The following PIEZO2 variants were observed in gnomAD, a reference collection of about 807,000 sequenced individuals.
PIEZO2 encodes the protein piezo type mechanosensitive ion channel component 2, also known as piezo-type mechanosensitive ion channel component 2.
Under a neutral mutation model 337.3 loss-of-function variants are expected in PIEZO2, and 172 were observed. The ratio of observed to expected loss-of-function variants is 0.51; its 90% CI spans 0.45 to 0.58. PIEZO2 has a LOEUF of 0.58. Ranked by LOEUF, PIEZO2 falls within the 20% of genes least tolerant of loss-of-function variation. PIEZO2 has a pLI of 0.00. For synonymous variants in PIEZO2, 1,251 were observed against 1,228.5 expected (o/e 1.02, Z -0.38); for missense variants, 3,028 against 3,391.3 (o/e 0.89, Z 2.66).
At position 11,099,536 on chromosome 18, in the gene PIEZO2, G is replaced by A. The variant is rs1458918597; in HGVS notation, c.65-33314C>T. 6.6e-6 allele frequency among the ~76,000 whole-genome samples: 1 copy of A among 152,030 alleles called. No homozygotes were observed. The highest frequency in any genetic ancestry group is 1.5e-5 in the Non-Finnish European group (1 of 68,008). ...GGTTGGTATGCAATGGCATGATCTC[G>A]GCTCACTGCAACCTCTGCCTCCAGG... On this transcript the variant is annotated intron_variant, in intron 1 of 55. Coordinates refer to ENST00000674853, the MANE Select transcript of PIEZO2 (RefSeq NM_001378183.1). This position sits in a 1 kb window ranked among gnomAD's most constrained non-coding sequence, Gnocchi z 5.4.
At chr18:10,866,494 C>T (rs1047965231) in intron 5 of PIEZO2, among the ~76,000 whole-genome samples, 1 of 152,130 alleles carries the variant, frequency 6.6e-6, no homozygotes, top group Non-Finnish European at 1.5e-5. Flanking sequence ...ACTGTGTTAG[C>T]CAGGATGGTC....
intron 49 of PIEZO2, among the ~76,000 whole-genome samples, chr18:10,684,382 G>A (rs2034444516): frequency 6.6e-6 from 1 of 150,850 alleles, no homozygotes; most frequent in South Asian, 2.1e-4. Context: ...AGCCAGGGTG[G>A]TCTCAATCTC....
chr18:10,915,838 C>T (rs1469195912), intron 3 of PIEZO2, among the ~76,000 whole-genome samples: 2 of 152,208 alleles, frequency 1.3e-5, no homozygotes, highest in East Asian at 1.9e-4. Flanking sequence ...CGCAGACCCT[C>T]GCAGTGACTA....
At chr18:10,800,690 C>T (rs1183774168) in intron 10 of PIEZO2, among the ~76,000 whole-genome samples, 1 of 152,226 alleles carries the variant, frequency 6.6e-6, no homozygotes, top group Non-Finnish European at 1.5e-5. Flanking sequence ...GGAAAATGTG[C>T]ATCTGATCTT....
intron 29 of PIEZO2, among the ~76,000 whole-genome samples, chr18:10,749,220 G>A (rs568342305): frequency 6.6e-6 from 1 of 152,274 alleles, no homozygotes; most frequent in East Asian, 1.9e-4. Context: ...AGCACTTTGA[G>A]AGACTGAGGC....
At chr18:10,924,765 A>AT (rs1598697745) in intron 3 of PIEZO2, among the ~76,000 whole-genome samples, 1 of 151,930 alleles carries the variant, frequency 6.6e-6, no homozygotes, top group South Asian at 2.1e-4. Flanking sequence ...TAGGCGGAGG[A>AT]TTTTTTCTTT....
rs2039418031 is a variant in PIEZO2 at position 11,101,512 on chromosome 18, T to C, written c.65-35290A>G. 6.6e-6 allele frequency among the ~76,000 whole-genome samples: 1 copy of C among 152,186 alleles called. No homozygotes were observed. The highest frequency in any genetic ancestry group is 1.5e-5 in the Non-Finnish European group (1 of 68,034). ...ACACAACATTATTTTTAAGCACCAG[T>C]GAGAAAAAAAGCTGCCCAAAATTTA... On this transcript the variant is annotated intron_variant, in intron 1 of 55. Coordinates refer to ENST00000674853, the MANE Select transcript of PIEZO2 (RefSeq NM_001378183.1). This position sits in a 1 kb window ranked among gnomAD's most constrained non-coding sequence, Gnocchi z 4.4.
chr18:11,090,843 G>GA (rs1308414327), intron 1 of PIEZO2, among the ~76,000 whole-genome samples: 1 of 151,450 alleles, frequency 6.6e-6, no homozygotes, highest in East Asian at 2.0e-4. Flanking sequence ...AACCCGGGGG[G>GA]GCAAAGCTTG....
chr18:10,946,980 C>A (rs181515542), intron 3 of PIEZO2, among the ~76,000 whole-genome samples: 1 of 150,736 alleles, frequency 6.6e-6, no homozygotes, highest in Non-Finnish European at 1.5e-5. Flanking sequence ...TATCTTAAAA[C>A]AAATAAAAAA....
Position 11,097,774 on chromosome 18 carries a change from T to C in PIEZO2, c.65-31552A>G, listed in dbSNP as rs552419287. Among the ~76,000 whole-genome samples the C allele has an allele frequency of 3.3e-5, 5 of 152,362 alleles. 1 individual carries two copies. The highest frequency in any genetic ancestry group is 3.3e-4 in the Admixed American group (5 of 15,304). The stretch of plus-strand genomic sequence containing the variant: ...TATGGAAATACTGTTGTATGGTAGA[T>C]ATATATTCCTAAATCAGAAAAAGTC... On this transcript the variant is annotated intron_variant, in intron 1 of 55. Transcript: ENST00000674853. The surrounding 1 kb of genome is among the most constrained non-coding windows in gnomAD (Gnocchi z 5.0).
chr18:11,024,407 G>A (rs112189256), intron 2 of PIEZO2, among the ~76,000 whole-genome samples: 8,466 of 151,154 alleles, frequency 0.056, 710 homozygotes, highest in African/African-American at 0.18. Context: ...TTAGCCGGGC[G>A]TAGTGGCGGG....
chr18:10,762,843 T>C (rs2038194409), intron 22 of PIEZO2, 79 bp downstream of exon 22: 1 of 1,460,064 alleles, frequency 6.8e-7, no homozygotes, highest in South Asian at 1.4e-5. Flanking sequence ...CAAATGTGCT[T>C]GGGGATGGGG....
intron 7 of PIEZO2, among the ~76,000 whole-genome samples, chr18:10,826,331 AATG>A (rs1305613781): frequency 2.0e-5 from 3 of 152,334 alleles, no homozygotes; most frequent in Admixed American, 6.5e-5. Context: ...ATGAGTTCCT[AATG>A]ATGACTCCAA....
intron 36 of PIEZO2, among the ~76,000 whole-genome samples, chr18:10,722,268 T>G (rs1291208797): frequency 1.3e-5 from 2 of 151,234 alleles, no homozygotes; most frequent in African/African-American, 4.9e-5. Context: ...TCTCACTCTG[T>G]CACCCAGGCT....
intron 2 of PIEZO2, among the ~76,000 whole-genome samples, chr18:10,998,025 C>T (rs1211162693): frequency 3.9e-5 from 6 of 152,110 alleles, no homozygotes; most frequent in Non-Finnish European, 5.9e-5. Context: ...AAAAATGTCA[C>T]ATTATGTGTA....
chr18:11,072,686 G>A (rs1298904313), intron 1 of PIEZO2, among the ~76,000 whole-genome samples: 1 of 152,220 alleles, frequency 6.6e-6, no homozygotes, highest in African/African-American at 2.4e-5. Context: ...AGCAGGCCCA[G>A]TGGGTACAGC....
intron 2 of PIEZO2, among the ~76,000 whole-genome samples, chr18:11,064,373 T>G (rs962980776): frequency 6.6e-6 from 1 of 152,170 alleles, no homozygotes; most frequent in Non-Finnish European, 1.5e-5. Flanking sequence ...GTGTGTGGAT[T>G]TTCCTTTCCA....
In PIEZO2 at chr18:10,750,142, A is replaced by G; in HGVS notation, c.4213T>C (p.Trp1405Arg). Residue 1405 changes from tryptophan (W) to arginine (R), a missense_variant, in exon 29 of 56, where the codon TGG becomes CGG. Physicochemically the swap from Trp to Arg is moderately radical, Grantham distance 101. Coordinates refer to ENST00000674853, the MANE Select transcript of PIEZO2 (RefSeq NM_001378183.1). This position sits in a 1 kb window ranked among gnomAD's most constrained non-coding sequence, Gnocchi z 4.1. Reference sequence around the variant, plus strand: ...GCCAGGCTGAAAGCCTGGATCAACCAACAACTATTGTGCACCAATGTTCCA... The same window carrying G: ...GCCAGGCTGAAAGCCTGGATCAACCGACAACTATTGTGCACCAATGTTCCA... ...YIGTLVHNSC[W>R]LIQAFSLACT... The G allele has an allele frequency of 2.6e-6, 4 of 1,537,224 alleles. No individual in the cohort carries two copies. Among genetic ancestry groups the G allele is most frequent in the Non-Finnish European group, 8.7e-7 (1 of 1,146,868 alleles).
chr18:10,740,061 A>G (rs1444915776), intron 33 of PIEZO2: 1 of 142,866 alleles, frequency 7.0e-6, no homozygotes, highest in Non-Finnish European at 1.5e-5. Flanking sequence ...GTCCAGTTAG[A>G]TTAGCTGCAA....
Sources: allele counts gnomAD v4.1 joint callset (sites outside exome capture counted in the v4.1 genomes callset), GRCh38; gene constraint gnomAD v4.1.1; non-coding constraint Gnocchi (gnomAD v3.1); transcripts MANE v1.5; gene names NCBI Gene and HGNC (gene_info 2026-07-23, HGNC 2026-07-21).